NID2: variants seen among roughly 807,000 people sequenced by gnomAD.
The protein encoded by NID2 is nidogen 2.
Under a neutral mutation model 145.4 loss-of-function variants are expected in NID2, and 83 were observed. That is an observed-to-expected ratio of 0.57 (90% CI 0.48 to 0.69). The LOEUF is 0.69. Ranked by LOEUF, NID2 falls within the 30% of genes least tolerant of loss-of-function variation. The pLI is 0.00. For missense variants in NID2, 1,807 were observed against 1,765.7 expected (o/e 1.02, Z -0.42); for synonymous variants, 739 against 701.3 (o/e 1.05, Z -0.85).
chr14:52,056,881 G>C (rs112297058), intron 3 of NID2, among the ~76,000 whole-genome samples: 1 of 152,278 alleles, frequency 6.6e-6, no homozygotes, highest in African/African-American at 2.4e-5. Flanking sequence ...AGATAGAAAA[G>C]TATGATTTCA....
chr14:52,029,839 T>TG, intron 9 of NID2, 149 bp from the exon 10 acceptor site: 1 of 639,720 alleles, frequency 1.6e-6, no homozygotes, highest in Non-Finnish European at 2.6e-6. Context: ...GAAGCTAGGG[T>TG]GGATTTTCTG....
intron 9 of NID2, among the ~76,000 whole-genome samples, chr14:52,036,871 G>A (rs879269555): frequency 1.9e-3 from 96 of 51,100 alleles, no homozygotes; most frequent in Non-Finnish European, 2.0e-3. Flanking sequence ...TGAGTTGTAA[G>A]ATACTTCGTA....
At chr14:52,034,029 A>G (rs1428547140) in intron 9 of NID2, among the ~76,000 whole-genome samples, 1 of 151,962 alleles carries the variant, frequency 6.6e-6, no homozygotes. Flanking sequence ...CCACCCCACC[A>G]TTGGGTAGAG....
intron 1 of NID2, 117 bp downstream of exon 1, chr14:52,068,650 G>C: frequency 1.1e-6 from 1 of 883,684 alleles, no homozygotes; most frequent in South Asian, 1.6e-5. Flanking sequence ...CCACCGCAAG[G>C]GTGCTGGGGG....
chr14:52,047,198 T>G (rs1311106839), intron 5 of NID2, among the ~76,000 whole-genome samples: 4 of 152,220 alleles, frequency 2.6e-5, no homozygotes, highest in African/African-American at 9.6e-5. Flanking sequence ...AGTAAATTAC[T>G]TAGTGGGGTG....
At chr14:52,061,442 G>A (rs1230623087) in intron 2 of NID2, among the ~76,000 whole-genome samples, 1 of 152,230 alleles carries the variant, frequency 6.6e-6, no homozygotes, top group Non-Finnish European at 1.5e-5. Flanking sequence ...TGCTGAGGAT[G>A]TGAAGGAGCA....
chr14:52,039,871 A>G (rs1436719495), intron 8 of NID2, among the ~76,000 whole-genome samples: 4 of 152,268 alleles, frequency 2.6e-5, no homozygotes, highest in Non-Finnish European at 4.4e-5. Flanking sequence ...TGGCAAGTCC[A>G]GGATATAAAT....
chr14:52,038,726 C>G, intron 9 of NID2, 21 bp downstream of exon 9: 1 of 1,525,788 alleles, frequency 6.6e-7, no homozygotes, highest in Non-Finnish European at 8.8e-7. Context: ...TTTTACCCAA[C>G]AACAAAAAAG....
intron 1 of NID2, among the ~76,000 whole-genome samples, chr14:52,068,478 T>C (rs1445464442): frequency 6.6e-6 from 1 of 152,178 alleles, no homozygotes; most frequent in African/African-American, 2.4e-5. Context: ...GGCACAGCCT[T>C]CTCGCGGTCC....
chr14:52,030,552 GAAAGAAAGAA>G (rs1566755538), intron 9 of NID2, among the ~76,000 whole-genome samples: 5 of 50,606 alleles, frequency 9.9e-5, no homozygotes, highest in African/African-American at 2.7e-4. Context: ...AAGAAAGAAA[GAAAGAAAGAA>G]AGAAAGGAAG....
chr14:52,011,773 G>GTTGCTCACTGC, intron 16 of NID2, 90 bp from the exon 17 acceptor site: 15 of 1,446,808 alleles, frequency 1.0e-5, no homozygotes, highest in Non-Finnish European at 1.4e-5. Flanking sequence ...CAGCTGCAGT[G>GTTGCTCACTGC]AGCAACACTG....
intron 5 of NID2, among the ~76,000 whole-genome samples, chr14:52,043,464 G>A (rs1050963132): frequency 2.6e-5 from 4 of 152,192 alleles, no homozygotes; most frequent in African/African-American, 9.6e-5. Flanking sequence ...CTACCTCAAA[G>A]AAAAGGCATG....
At chr14:52,030,693 G>C (rs904272591) in intron 9 of NID2, among the ~76,000 whole-genome samples, 1 of 151,182 alleles carries the variant, frequency 6.6e-6, no homozygotes, top group Non-Finnish European at 1.5e-5. Flanking sequence ...GAAAAGAAAA[G>C]AAAGAAAATT....
intron 3 of NID2, among the ~76,000 whole-genome samples, chr14:52,055,437 C>T (rs1216283122): frequency 6.6e-6 from 1 of 152,060 alleles, no homozygotes; most frequent in Non-Finnish European, 1.5e-5. Context: ...AATGCCAAAA[C>T]CTAAAAAATT....
At position 52,043,549 on chromosome 14, in the gene NID2, T is replaced by A. The variant is rs557133146; in HGVS notation, c.1430-618A>T. Among the ~76,000 whole-genome samples the A allele has an allele frequency of 7.9e-5, 12 of 152,312 alleles. No individual in the cohort carries two copies. The East Asian group carries it at 2.1e-3, about 27-fold the overall frequency. On this transcript the variant is annotated intron_variant, in intron 5 of 21. Coordinates refer to ENST00000216286, the MANE Select transcript of NID2 (RefSeq NM_007361.4). ...AATGCCCTATGCCCTTGGCAGGGTTTAACTATGATGGGTATGGTACAAGCA... is the reference window on the plus strand; with the variant it reads ...AATGCCCTATGCCCTTGGCAGGGTTAAACTATGATGGGTATGGTACAAGCA...
At position 52,065,969 on chromosome 14, in the gene NID2, G is replaced by C. The variant is rs1264870220; in HGVS notation, c.534+1889C>G. ...GAATAGTGCCGCAATAAACATACGT[G>C]TGCATGTGTCTTTATAGCAGCATGA... On this transcript the variant is annotated intron_variant, in intron 2 of 21. Transcript: ENST00000216286. 2.0e-5 allele frequency among the ~76,000 whole-genome samples: 3 copies of C among 149,954 alleles called. 1 individual carries two copies. The highest frequency in any genetic ancestry group is 4.3e-4 in the South Asian group (2 of 4,642).
intron 2 of NID2, among the ~76,000 whole-genome samples, chr14:52,063,666 T>C (rs193286885): frequency 2.0e-5 from 3 of 152,328 alleles, no homozygotes; most frequent in Admixed American, 1.3e-4. Context: ...GTGACTCTTA[T>C]AGGGGTCACA....
intron 5 of NID2, among the ~76,000 whole-genome samples, chr14:52,052,884 G>C (rs914618921): frequency 1.1e-4 from 16 of 152,212 alleles, no homozygotes; most frequent in Non-Finnish European, 2.1e-4. Flanking sequence ...ACAAGGACTA[G>C]AAGACTGACA....
At chr14:52,027,383 C>T in intron 11 of NID2, 39 bp from the exon 12 acceptor site, 2 of 1,473,832 alleles carry the variant, frequency 1.4e-6, no homozygotes, top group Non-Finnish European at 9.0e-7. Flanking sequence ...AGAGTTTAGG[C>T]CTGCAAAGGA....
Sources: allele counts gnomAD v4.1 joint callset (sites outside exome capture counted in the v4.1 genomes callset), GRCh38; gene constraint gnomAD v4.1.1; transcripts MANE v1.5; gene names NCBI Gene and HGNC (gene_info 2026-07-23, HGNC 2026-07-21).